Variants in PGPEP1L observed in about 807,000 individuals in gnomAD.
PGPEP1L encodes the protein pyroglutamyl-peptidase I like.
Under a neutral mutation model 6.0 loss-of-function variants are expected in PGPEP1L, and 7 were observed. The observed-to-expected ratio is 1.17, with a 90% confidence interval of 0.66 to 2.19. PGPEP1L has a LOEUF of 2.19. Among genes scored for constraint, PGPEP1L ranks in the 30% most tolerant of loss-of-function variants. The probability of loss-of-function intolerance (pLI) is 0.00; values close to 1 mark genes in which losing one functional copy is unlikely to be tolerated. For synonymous variants in PGPEP1L, 103 were observed against 83.9 expected, an observed-to-expected ratio of 1.23 and a Z score of -1.24; for missense variants, 209 against 192.5, an observed-to-expected ratio of 1.09 and a Z score of -0.51.
intron 2 of PGPEP1L, among the ~76,000 whole-genome samples, chr15:98,972,456 A>T (rs117266033): frequency 1.3e-5 from 2 of 152,270 alleles, no homozygotes; most frequent in East Asian, 1.9e-4. Context: ...AGATAGTAAG[A>T]GAGGAAAAAA....
intron 1 of PGPEP1L, among the ~76,000 whole-genome samples, chr15:99,006,273 C>A (rs2018059408): frequency 6.6e-6 from 1 of 152,204 alleles, no homozygotes; most frequent in African/African-American, 2.4e-5. Context: ...TGCCACCTAG[C>A]TAGCGTCTGT....
chr15:98,976,623 A>G (rs897461769), intron 2 of PGPEP1L, among the ~76,000 whole-genome samples: 5 of 152,050 alleles, frequency 3.3e-5, no homozygotes, highest in Admixed American at 3.3e-4. Context: ...AGATCAAAAC[A>G]TAGATGTTTT....
chr15:98,971,003 TC>T, intron 3 of PGPEP1L, 32 bp downstream of exon 3: 7 of 1,611,728 alleles, frequency 4.3e-6, no homozygotes, highest in Non-Finnish European at 5.9e-6. Context: ...ACATCGCCAG[TC>T]CCATGCCCCA....
intron 1 of PGPEP1L, among the ~76,000 whole-genome samples, chr15:99,005,901 CCTA>C (rs2018050496): frequency 6.6e-6 from 1 of 152,114 alleles, no homozygotes; most frequent in Non-Finnish European, 1.5e-5. Flanking sequence ...TGTGGGCTAC[CCTA>C]CAAGTCGTTT....
chr15:98,991,218 A>C (rs1483431118), intron 2 of PGPEP1L, among the ~76,000 whole-genome samples: 2 of 152,158 alleles, frequency 1.3e-5, no homozygotes, highest in African/African-American at 4.8e-5. Flanking sequence ...TGCTAGCCAG[A>C]CTAATAAAGA....
intron 2 of PGPEP1L, among the ~76,000 whole-genome samples, chr15:99,004,071 C>T (rs1427389968): frequency 2.7e-5 from 4 of 146,628 alleles, no homozygotes; most frequent in South Asian, 2.1e-4. Context: ...CTTCATCCAA[C>T]ACAATTCAGA....
chr15:98,979,633 CTTTTTTTTTTT>C (rs568793204), intron 2 of PGPEP1L, among the ~76,000 whole-genome samples: 3 of 46,502 alleles, frequency 6.5e-5, no homozygotes, highest in Non-Finnish European at 9.4e-5. Flanking sequence ...GGAGACTATT[CTTTTTTTTTTT>C]TTTTTTTTTT....
chr15:98,980,575 G>A (rs2017643723), intron 2 of PGPEP1L, among the ~76,000 whole-genome samples: 1 of 152,264 alleles, frequency 6.6e-6, no homozygotes, highest in Admixed American at 6.5e-5. Context: ...TCCCCCACTC[G>A]AGTGTGGGCT....
At chr15:99,006,421 C>G (rs1327445432) in intron 1 of PGPEP1L, among the ~76,000 whole-genome samples, 1 of 152,248 alleles carries the variant, frequency 6.6e-6, no homozygotes, top group East Asian at 1.9e-4. Context: ...TGCAGACAGT[C>G]CTCTTTTTAA....
intron 2 of PGPEP1L, among the ~76,000 whole-genome samples, chr15:98,985,580 G>A (rs2017736283): frequency 6.6e-6 from 1 of 152,176 alleles, no homozygotes; most frequent in Non-Finnish European, 1.5e-5. Flanking sequence ...CCACTCTTGT[G>A]CTAGAAGTGA....
intron 3 of PGPEP1L, among the ~76,000 whole-genome samples, chr15:98,969,866 C>T (rs542796430): frequency 1.2e-4 from 19 of 152,088 alleles, no homozygotes; most frequent in Non-Finnish European, 2.1e-4. Context: ...TGAATAAAAA[C>T]TCATGCTGCA....
At chr15:98,975,709 C>T (rs532864832) in intron 2 of PGPEP1L, among the ~76,000 whole-genome samples, 14 of 152,158 alleles carry the variant, frequency 9.2e-5, no homozygotes, top group African/African-American at 3.1e-4. Context: ...GGTGAAACTC[C>T]GTCTCTACTG....
intron 2 of PGPEP1L, among the ~76,000 whole-genome samples, chr15:98,993,168 C>A (rs2017841211): frequency 1.3e-5 from 2 of 152,098 alleles, no homozygotes; most frequent in African/African-American, 4.8e-5. Flanking sequence ...AGTGAACAAG[C>A]AACCTACAGA....
intron 4 of PGPEP1L, among the ~76,000 whole-genome samples, chr15:98,969,040 G>C (rs540481360): frequency 6.6e-6 from 1 of 152,198 alleles, no homozygotes; most frequent in Non-Finnish European, 1.5e-5. Context: ...ACTGGGGATC[G>C]GAGTTTGGAG....
chr15:99,005,821 TTTGCCTGGG>T (rs1386579294), intron 1 of PGPEP1L, among the ~76,000 whole-genome samples, 165 bp from the exon 2 acceptor site: 1 of 152,140 alleles, frequency 6.6e-6, no homozygotes, highest in African/African-American at 2.4e-5. Flanking sequence ...GCTGTCCCGG[TTTGCCTGGG>T]ACAGAAGGAT....
At chr15:98,974,790 G>A (rs955431288) in intron 2 of PGPEP1L, among the ~76,000 whole-genome samples, 20 of 152,152 alleles carry the variant, frequency 1.3e-4, no homozygotes, top group African/African-American at 4.8e-4. Flanking sequence ...CAGCTACTCA[G>A]GAGACTGAGG....
At chr15:98,989,794 C>T (rs1555471880) in intron 2 of PGPEP1L, among the ~76,000 whole-genome samples, 1 of 152,144 alleles carries the variant, frequency 6.6e-6, no homozygotes, top group Admixed American at 6.5e-5. Flanking sequence ...CAGCAGAACC[C>T]CTACAATCCA....
chr15:98,975,662 C>T (rs1390741093), intron 2 of PGPEP1L, among the ~76,000 whole-genome samples: 1 of 152,154 alleles, frequency 6.6e-6, no homozygotes, highest in Non-Finnish European at 1.5e-5. Flanking sequence ...GGGCGGATCA[C>T]TTGATGTCAG....
At chr15:98,987,549 G>T (rs1292491478) in intron 2 of PGPEP1L, among the ~76,000 whole-genome samples, 3 of 152,186 alleles carry the variant, frequency 2.0e-5, no homozygotes, top group African/African-American at 7.2e-5. Flanking sequence ...CTAGTGTTCA[G>T]CAGGGATGGC....
Sources: gnomAD v4.1 joint callset for allele counts (sites outside exome capture counted in the v4.1 genomes callset) on GRCh38, gnomAD v4.1.1 for gene constraint, MANE v1.5 for transcripts, NCBI Gene and HGNC (gene_info 2026-07-23, HGNC 2026-07-21) for gene names.